Variants in DUSP11 observed in about 807,000 individuals in gnomAD.
DUSP11 encodes RNA/RNP complex-1-interacting phosphatase.
Under a neutral mutation model 41.4 loss-of-function variants are expected in DUSP11, and 27 were observed. That is an observed-to-expected ratio of 0.65 (90% CI 0.48 to 0.90). DUSP11 has a LOEUF of 0.90. Among genes scored for constraint, DUSP11 ranks in the 40% least tolerant of loss-of-function variants. The pLI, the probability that DUSP11 is intolerant of heterozygous loss-of-function variation, is 0.00. For missense variants in DUSP11, 465 were observed against 461.1 expected, an observed-to-expected ratio of 1.01 and a Z score of -0.08; for synonymous variants, 188 against 159.3, an observed-to-expected ratio of 1.18 and a Z score of -1.35.
chr2:73,762,735 G>A lies in DUSP11; in HGVS notation c.1060C>T (p.Gln354Ter), dbSNP rs1672386711. 6 of 1,613,560 alleles carry A rather than the reference G, an allele frequency of 3.7e-6. No individual in the cohort carries two copies. Reference sequence around the variant, plus strand: ...TAAGGATACCACCTTCTTCTATCCTGGGCTGCCCGACTGGCATTGGGCTTC... The same window carrying A: ...TAAGGATACCACCTTCTTCTATCCTAGGCTGCCCGACTGGCATTGGGCTTC... Residue 354 changes from glutamine (Q) to a stop codon, truncating the protein, a stop_gained, in exon 9 of 9, where the codon CAG becomes TAG. Coordinates refer to ENST00000272444, the Ensembl canonical transcript of DUSP11. LOFTEE classifies it low-confidence loss of function (END_TRUNC).
chr2:73,779,094 T>C (rs991621578), intron 1 of DUSP11, among the ~76,000 whole-genome samples: 2 of 152,080 alleles, frequency 1.3e-5, no homozygotes, highest in African/African-American at 2.4e-5. Flanking sequence ...GAGGTTGCAG[T>C]GAGCCGAGAT....
At chr2:73,768,988 C>A (rs886973067) in intron 5 of DUSP11, 1 of 287,200 alleles carries the variant, frequency 3.5e-6, no homozygotes, top group Non-Finnish European at 6.4e-6. Flanking sequence ...ATAAGGAGTC[C>A]AAGTATTTTC....
chr2:73,763,129 T>C (rs1378930229), intron 8 of DUSP11, among the ~76,000 whole-genome samples: 1 of 152,014 alleles, frequency 6.6e-6, no homozygotes, highest in Non-Finnish European at 1.5e-5. Context: ...TTACCTACAA[T>C]GCCCTGGCAC....
chr2:73,770,615 T>C (rs755244112), intron 4 of DUSP11, among the ~76,000 whole-genome samples: 2 of 152,142 alleles, frequency 1.3e-5, no homozygotes, highest in Non-Finnish European at 2.9e-5. Flanking sequence ...TGATCCTCCA[T>C]ATGGCAGATG....
At chr2:73,771,595 G>A (rs1389074947) in intron 4 of DUSP11, among the ~76,000 whole-genome samples, 5 of 150,566 alleles carry the variant, frequency 3.3e-5, no homozygotes, top group African/African-American at 1.2e-4. Context: ...CCAGGTTCAC[G>A]CCATTCCCCT....
At chr2:73,766,384 T>A (rs778432155) in intron 8 of DUSP11, 34 bp downstream of exon 8, 2 of 1,551,260 alleles carry the variant, frequency 1.3e-6, no homozygotes, top group Non-Finnish European at 8.7e-7. Context: ...AATTTCTATC[T>A]CAATTCTAGA....
At chr2:73,769,691 C>A (rs1221577470) in intron 4 of DUSP11, among the ~76,000 whole-genome samples, 1 of 152,154 alleles carries the variant, frequency 6.6e-6, no homozygotes, top group Admixed American at 6.6e-5. Context: ...AAATAAAAGG[C>A]CTTCACTCTT....
chr2:73,778,522 C>T, intron 1 of DUSP11, 146 bp from the exon 2 acceptor site: 1 of 506,596 alleles, frequency 2.0e-6, no homozygotes, highest in Non-Finnish European at 3.4e-6. Flanking sequence ...ACTTATTAAA[C>T]CCCACCAAGT....
rs1318797082 is a variant in DUSP11 at position 73,762,722 on chromosome 2, C to T, written c.1073G>A (p.Arg358Lys). The T allele has an allele frequency of 1.9e-6, 3 of 1,613,646 alleles. No individual in the cohort carries two copies. In the African/African-American group the frequency reaches 4.0e-5, roughly 22 times the overall value. ...TCTGGAGTAATTATAAGGATACCAC[C>T]TTCTTCTATCCTGGGCTGCCCGACT... Residue 358 changes from arginine to lysine, a missense_variant, in exon 9 of 9, where the codon AGG becomes AAG. By Grantham distance (26) the Arg-to-Lys change is conservative. Transcript: ENST00000272444.
chr2:73,769,922 C>T (rs1424196524), intron 4 of DUSP11, among the ~76,000 whole-genome samples: 2 of 152,148 alleles, frequency 1.3e-5, no homozygotes, highest in African/African-American at 4.8e-5. Context: ...TAAGATTTTT[C>T]CCATTACACC....
chr2:73,762,468 T>C, exon 9 of DUSP11: 1 of 390,366 alleles, frequency 2.6e-6, no homozygotes. Context: ...GAATAACAGA[T>C]TGTTTTTCCT....
intron 5 of DUSP11, chr2:73,768,644 C>G: frequency 1.0e-6 from 1 of 985,284 alleles, no homozygotes; most frequent in Non-Finnish European, 1.2e-6. Flanking sequence ...GTGCAAAGAA[C>G]AACGCAGGCC....
At chr2:73,779,685 T>A in intron 1 of DUSP11, 189 bp downstream of exon 1, 1 of 822,062 alleles carries the variant, frequency 1.2e-6, no homozygotes. Flanking sequence ...TATGGAGAAA[T>A]CACAGGACAT....
intron 6 of DUSP11, 73 bp downstream of exon 6, chr2:73,767,088 T>C (rs1174132368): frequency 1.4e-6 from 2 of 1,476,824 alleles, no homozygotes; most frequent in East Asian, 4.5e-5. Flanking sequence ...TTTTCCAAAA[T>C]TTGATAAATT....
intron 2 of DUSP11, 71 bp downstream of exon 2, chr2:73,778,230 T>A (rs1672720771): frequency 1.0e-6 from 1 of 983,404 alleles, no homozygotes; most frequent in Non-Finnish European, 1.5e-6. Context: ...TGGAATGTGA[T>A]AGAGTGGAGA....
chr2:73,767,956 C>G (rs1264801683), intron 5 of DUSP11: 1 of 152,248 alleles, frequency 6.6e-6, no homozygotes, highest in African/African-American at 2.4e-5. Flanking sequence ...TTCTATTGCT[C>G]TTAAGGTAGT....
intron 4 of DUSP11, among the ~76,000 whole-genome samples, chr2:73,770,110 A>G (rs757129737): frequency 1.3e-5 from 2 of 150,544 alleles, no homozygotes; most frequent in Non-Finnish European, 3.0e-5. Flanking sequence ...CCTGGCCAAC[A>G]TGGCGAAACC....
chr2:73,779,824 C>T (rs896911494), intron 1 of DUSP11, 50 bp downstream of exon 1: 10 of 1,608,206 alleles, frequency 6.2e-6, no homozygotes, highest in South Asian at 4.4e-5. Context: ...AAGCCCAGAC[C>T]CAGAAGCCAC....
intron 4 of DUSP11, chr2:73,773,521 A>G (rs1672624327): frequency 2.7e-6 from 1 of 372,562 alleles, no homozygotes; most frequent in South Asian, 2.2e-5. Context: ...GAAGACAAAA[A>G]TAACATTTTA....
Sources: gnomAD v4.1 joint callset for allele counts (sites outside exome capture counted in the v4.1 genomes callset) on GRCh38, gnomAD v4.1.1 for gene constraint, MANE v1.5 for transcripts, NCBI Gene and HGNC (gene_info 2026-07-23, HGNC 2026-07-21) for gene names.